Variants in SLC1A7 observed in about 807,000 individuals in gnomAD.
SLC1A7 encodes the protein solute carrier family 1 member 7, also known as excitatory amino acid transporter 5.
Under a neutral mutation model 47.7 loss-of-function variants are expected in SLC1A7, and 40 were observed. That is an observed-to-expected ratio of 0.84 (90% CI 0.65 to 1.09). The LOEUF is 1.09. Ranked by LOEUF, SLC1A7 falls within the 50% of genes least tolerant of loss-of-function variation. The pLI is 0.00. For missense variants in SLC1A7, 746 were observed against 769.5 expected, an observed-to-expected ratio of 0.97 and a Z score of 0.36; for synonymous variants, 323 against 325.6, an observed-to-expected ratio of 0.99 and a Z score of 0.09.
Position 53,089,066 on chromosome 1 carries a change from G to A in SLC1A7, c.1362-87C>T, listed in dbSNP as rs1033291531. On this transcript the variant is annotated intron_variant, in intron 9 of 10. Transcript: ENST00000371494. ...GCTCAACCCAGCACAGTACAGCACG[G>A]CCGGTGACCAGCTGTCATGCAAAGC... 7 of 1,049,740 alleles carry A rather than the reference G, an allele frequency of 6.7e-6. No homozygotes were observed. In the African/African-American group the frequency reaches 9.5e-5, roughly 14 times the overall value. 65.0% of individuals were successfully genotyped at this position (1,049,740 alleles called of 1,614,324 possible). A position where few individuals can be genotyped will look rare whatever the true frequency, so the allele number is the denominator to read the frequency against.
intron 3 of SLC1A7, among the ~76,000 whole-genome samples, chr1:53,109,560 G>A (rs1644680759): frequency 6.6e-6 from 1 of 152,170 alleles, no homozygotes; most frequent in Non-Finnish European, 1.5e-5. Context: ...TGCCCCTGTG[G>A]TGTGCCTTAT....
chr1:53,090,084 G>T, intron 8 of SLC1A7, 150 bp from the exon 9 acceptor site: 1 of 762,978 alleles, frequency 1.3e-6, no homozygotes, highest in Non-Finnish European at 2.2e-6. Context: ...GGGAGCTCTC[G>T]GGGTCAAGTC....
chr1:53,087,780 G>T lies in SLC1A7; in HGVS notation c.*229C>A. 1 of 366,206 alleles carries T rather than the reference G, an allele frequency of 2.7e-6. No individual in the cohort carries two copies. Among genetic ancestry groups the T allele is most frequent in the Non-Finnish European group, 4.9e-6 (1 of 204,808 alleles). 22.7% of individuals were successfully genotyped at this position (366,206 alleles called of 1,614,324 possible). A position where few individuals can be genotyped will look rare whatever the true frequency, so the allele number is the denominator to read the frequency against. ...TCACACCGGGGAAACTGTCACAGCG[G>T]GGCCTCAGGCAATGCCGGGCCCATC... is the stretch of plus-strand genomic sequence containing the variant. On this transcript the variant is annotated 3_prime_UTR_variant, in exon 11 of 11. Coordinates refer to ENST00000371494, the MANE Select transcript of SLC1A7 (RefSeq NM_006671.6).
intron 2 of SLC1A7, among the ~76,000 whole-genome samples, chr1:53,121,977 C>T (rs996643058): frequency 6.7e-6 from 1 of 150,176 alleles, no homozygotes; most frequent in Admixed American, 6.6e-5. Flanking sequence ...GGGTAGGCAG[C>T]AGGTGATAGA....
rs750400307 is a variant in SLC1A7 at position 53,099,152 on chromosome 1, C to T, written c.697+4194G>A. Among the ~76,000 whole-genome samples, 20 of 150,446 alleles carry T rather than the reference C, an allele frequency of 1.3e-4. No individual in the cohort carries two copies. The Middle Eastern group carries it at 0.014, about 107-fold the overall frequency. On this transcript the variant is annotated intron_variant, in intron 5 of 10. Coordinates refer to ENST00000371494, the MANE Select transcript of SLC1A7 (RefSeq NM_006671.6). ...CCATCTCGGTACAGACACACGCTGC[C>T]TCGGTACACTCACAGAGTCTTGGTA...
chr1:53,118,025 C>T (rs1644780699), intron 2 of SLC1A7, among the ~76,000 whole-genome samples: 1 of 152,250 alleles, frequency 6.6e-6, no homozygotes, highest in African/African-American at 2.4e-5. Context: ...CACAGGCCAG[C>T]CTCCCCCGGA....
intron 3 of SLC1A7, among the ~76,000 whole-genome samples, chr1:53,111,575 T>C (rs1644701401): frequency 6.6e-6 from 1 of 151,952 alleles, no homozygotes; most frequent in South Asian, 2.1e-4. Context: ...GTTTTCAAGG[T>C]AGAGCTCACA....
Position 53,114,857 on chromosome 1 carries a change from A to G in SLC1A7, c.332T>C (p.Val111Ala), listed in dbSNP as rs752605960. 6.2e-7 allele frequency: 1 copy of G among 1,614,160 alleles called. No individual in the cohort carries two copies. ...CGCGCTGCCTGGGTGGATGATGGAG[A>G]CCATGAAGATGCCCACGATGACAGC... ...FMAVIVGIFMVSIIHPGSAAQ... is the reference protein window; with the variant it reads ...FMAVIVGIFMASIIHPGSAAQ... The change falls in exon 3 of 11, where the codon GTC becomes GCC. Residue 111 changes from valine to alanine, a missense_variant. By Grantham distance (64) the Val-to-Ala change is moderately conservative. Coordinates refer to ENST00000371494, the MANE Select transcript of SLC1A7 (RefSeq NM_006671.6).
chr1:53,124,943 G>T (rs1644865850), intron 2 of SLC1A7, among the ~76,000 whole-genome samples: 1 of 152,212 alleles, frequency 6.6e-6, no homozygotes, highest in African/African-American at 2.4e-5. Context: ...AAAGCAAGCA[G>T]GCTACAGATT....
intron 5 of SLC1A7, among the ~76,000 whole-genome samples, chr1:53,095,797 A>AT (rs926965775): frequency 2.7e-5 from 4 of 145,560 alleles, no homozygotes; most frequent in African/African-American, 1.0e-4. Flanking sequence ...ACCTCGGTAC[A>AT]TTCACCCCGA....
Position 53,088,881 on chromosome 1 carries a change from G to A in SLC1A7, c.1460C>T (p.Thr487Ile). The change falls in exon 10 of 11, where the codon ACC becomes ATC. Residue 487 changes from threonine to isoleucine, a missense_variant. By Grantham distance (89) the Thr-to-Ile change is moderately conservative (BLOSUM62 -1). Transcript: ENST00000371494. ...CRKDFARDTGTEKLLPCETKP... is the reference protein window; with the variant it reads ...CRKDFARDTGIEKLLPCETKP... ...TCTGGATCTCACTGCTCTCACCTCG[G>A]TGCCTGTGTCCCGGGCAAAATCCTT... The A allele has an allele frequency of 1.9e-6, 3 of 1,613,110 alleles. No homozygotes were observed. The highest frequency in any genetic ancestry group is 4.5e-5 in the East Asian group (2 of 44,872).
chr1:53,113,915 C>A (rs1644726986), intron 3 of SLC1A7, among the ~76,000 whole-genome samples: 1 of 152,110 alleles, frequency 6.6e-6, no homozygotes, highest in Non-Finnish European at 1.5e-5. Flanking sequence ...GCTATCGCCC[C>A]CAGGCCTGCC....
chr1:53,135,331 G>C (rs1250227488), intron 1 of SLC1A7, among the ~76,000 whole-genome samples: 1 of 152,212 alleles, frequency 6.6e-6, no homozygotes, highest in Non-Finnish European at 1.5e-5. Flanking sequence ...AGCTGGTGAG[G>C]AGACCCACTC....
chr1:53,092,943 G>T (rs1644442182), intron 6 of SLC1A7, among the ~76,000 whole-genome samples, 156 bp from the exon 7 acceptor site: 1 of 152,058 alleles, frequency 6.6e-6, no homozygotes, highest in Non-Finnish European at 1.5e-5. Flanking sequence ...CTCAGCACAT[G>T]GCGTCCTTCA....
At position 53,105,523 on chromosome 1, in the gene SLC1A7, GA is replaced by G. The variant is rs150644803; in HGVS notation, c.474+208del. Reference sequence around the variant, plus strand: ...CTCCACCCCCACACTTTTTCATCATGAAAACTGGAACCCAGGACAGGGATGT... The same window carrying G: ...CTCCACCCCCACACTTTTTCATCATGAAACTGGAACCCAGGACAGGGATGT... On this transcript the variant is annotated intron_variant, in intron 4 of 10. Transcript: ENST00000371494. Among the ~76,000 whole-genome samples, 136 of 152,272 alleles carry G rather than the reference GA, an allele frequency of 8.9e-4. 3 individuals carry two copies. The East Asian group carries it at 0.025, about 27-fold the overall frequency.
At chr1:53,088,753 G>C (rs1437079615) in intron 10 of SLC1A7, 124 bp downstream of exon 10, 6 of 714,284 alleles carry the variant, frequency 8.4e-6, no homozygotes. Flanking sequence ...AGGAGACCGA[G>C]GCCCAGAGGC....
chr1:53,088,739 G>A lies in SLC1A7; in HGVS notation c.1464+138C>T, dbSNP rs376574013. 2.1e-4 allele frequency: 142 copies of A among 678,266 alleles called. 4 individuals are homozygous for A. The highest frequency in any genetic ancestry group is 9.5e-4 in the South Asian group (56 of 59,044). The allele number at this position is 678,266 out of a possible 1,614,324, so 42.0% of individuals were successfully genotyped here. On this transcript the variant is annotated intron_variant, in intron 10 of 10. Transcript: ENST00000371494. ...TAGAGGAATCAGTCATTCTGTAACG[G>A]ATGAGGAGACCGAGGCCCAGAGGCA...
intron 5 of SLC1A7, among the ~76,000 whole-genome samples, chr1:53,098,321 C>T (rs902258562): frequency 2.7e-5 from 4 of 145,832 alleles, no homozygotes; most frequent in Admixed American, 2.7e-4. Flanking sequence ...ACACTCCACT[C>T]GTACCAAAAC....
intron 1 of SLC1A7, among the ~76,000 whole-genome samples, chr1:53,140,431 C>T (rs1161605308): frequency 6.6e-6 from 1 of 151,954 alleles, no homozygotes; most frequent in Non-Finnish European, 1.5e-5. Flanking sequence ...AGCGTTCTCT[C>T]TGTGCCTGAC....
Sources: gnomAD v4.1 joint callset for allele counts (sites outside exome capture counted in the v4.1 genomes callset) on GRCh38, gnomAD v4.1.1 for gene constraint, MANE v1.5 for transcripts, NCBI Gene and HGNC (gene_info 2026-07-23, HGNC 2026-07-21) for gene names.